Variants in SPIN1 observed in about 807,000 individuals in gnomAD.
The protein encoded by SPIN1 is spindlin-1.
Under a neutral mutation model 26.0 loss-of-function variants are expected in SPIN1, and 3 were observed. That is an observed-to-expected ratio of 0.12 (90% CI 0.05 to 0.30). SPIN1 has a LOEUF of 0.30. Ranked by LOEUF, SPIN1 falls within the 10% of genes least tolerant of loss-of-function variation. SPIN1 has a pLI of 1.00. For synonymous variants in SPIN1, 101 were observed against 116.5 expected, an observed-to-expected ratio of 0.87 and a Z score of 0.86; for missense variants, 126 against 333.4, an observed-to-expected ratio of 0.38 and a Z score of 4.84.
chr9:88,473,216 A>G (rs2118236107), intron 5 of SPIN1, among the ~76,000 whole-genome samples: 1 of 151,536 alleles, frequency 6.6e-6, no homozygotes, highest in Non-Finnish European at 1.5e-5. Flanking sequence ...AATATGGTGA[A>G]ACCCCGTCTC....
intron 1 of SPIN1, among the ~76,000 whole-genome samples, chr9:88,388,805 C>T (rs919607608): frequency 3.3e-5 from 5 of 150,618 alleles, no homozygotes; most frequent in Admixed American, 2.0e-4. Context: ...CCGCCGCCCC[C>T]CGCCAACATG....
At chr9:88,408,675 CTTT>C (rs773420022) in intron 1 of SPIN1, among the ~76,000 whole-genome samples, 3 of 128,834 alleles carry the variant, frequency 2.3e-5, no homozygotes, top group Admixed American at 1.6e-4. Flanking sequence ...ATGCCTGGCC[CTTT>C]TTTTTTTTTT....
At position 88,475,293 on chromosome 9, in the gene SPIN1, C is replaced by G. The variant is rs547821520; in HGVS notation, c.*16C>G. On this transcript the variant is annotated 3_prime_UTR_variant, in exon 6 of 6. Coordinates refer to ENST00000375859, the MANE Select transcript of SPIN1 (RefSeq NM_006717.3). Reference sequence around the variant, plus strand: ...AACATCCTAGATGTCATCACAAACTCTGCCAAATTTGTGGAACTATGAAAT... The same window carrying G: ...AACATCCTAGATGTCATCACAAACTGTGCCAAATTTGTGGAACTATGAAAT... 207 of 1,606,298 alleles carry G rather than the reference C, an allele frequency of 1.3e-4. 4 individuals are homozygous for G. In the South Asian group the frequency reaches 1.3e-3, roughly 10 times the overall value.
At chr9:88,405,977 C>T (rs1475810947) in intron 1 of SPIN1, among the ~76,000 whole-genome samples, 2 of 150,868 alleles carry the variant, frequency 1.3e-5, no homozygotes, top group Non-Finnish European at 2.9e-5. Flanking sequence ...TGACTACAGG[C>T]GCATGCCACC....
chr9:88,476,428 C>T lies in SPIN1; in HGVS notation c.*1151C>T, dbSNP rs1256375567. 6.6e-6 allele frequency: 1 copy of T among 152,398 alleles called. No homozygotes were observed. The highest frequency in any genetic ancestry group is 1.5e-5 in the Non-Finnish European group (1 of 68,188). The allele number at this position is 152,398 out of a possible 1,614,324, so 9.4% of individuals were successfully genotyped here. On this transcript the variant is annotated 3_prime_UTR_variant, in exon 6 of 6. Transcript: ENST00000375859. ...TCAACCCACCCCTTCCTGCCTACCC[C>T]TGGCTTTTCCTCACAAAGAATGTCT...
intron 2 of SPIN1, among the ~76,000 whole-genome samples, chr9:88,437,933 G>A (rs1480160459): frequency 6.6e-6 from 1 of 152,004 alleles, no homozygotes; most frequent in African/African-American, 2.4e-5. Context: ...GCTGAGGGGG[G>A]CAGAGGCCAG....
intron 2 of SPIN1, among the ~76,000 whole-genome samples, chr9:88,433,031 A>T (rs1827914411): frequency 6.7e-6 from 1 of 150,102 alleles, no homozygotes; most frequent in Admixed American, 6.6e-5. Flanking sequence ...TTATTCTCAT[A>T]CTTGTTTATT....
chr9:88,456,690 C>T (rs1245954823), intron 3 of SPIN1, among the ~76,000 whole-genome samples: 1 of 152,152 alleles, frequency 6.6e-6, no homozygotes, highest in Non-Finnish European at 1.5e-5. Context: ...ATTGTATCTA[C>T]AAATGCCACT....
intron 4 of SPIN1, among the ~76,000 whole-genome samples, chr9:88,465,351 A>G (rs563576216): frequency 6.6e-6 from 1 of 152,248 alleles, no homozygotes; most frequent in South Asian, 2.1e-4. Flanking sequence ...CGTAATTCTA[A>G]TTTCTTAGGT....
chr9:88,398,088 A>G (rs1399904141), intron 1 of SPIN1, among the ~76,000 whole-genome samples: 2 of 151,340 alleles, frequency 1.3e-5, no homozygotes, highest in Non-Finnish European at 2.9e-5. Flanking sequence ...ATGCCTGGCT[A>G]GTTTATTTTT....
At chr9:88,433,410 A>G (rs557878495) in intron 2 of SPIN1, among the ~76,000 whole-genome samples, 1 of 151,900 alleles carries the variant, frequency 6.6e-6, no homozygotes, top group South Asian at 2.1e-4. Context: ...TAGCCTTTCT[A>G]GTGTTAGCCT....
At chr9:88,394,087 G>T (rs1252781479) in intron 1 of SPIN1, among the ~76,000 whole-genome samples, 1 of 152,060 alleles carries the variant, frequency 6.6e-6, no homozygotes, top group African/African-American at 2.4e-5. Flanking sequence ...AAGCTCAAGT[G>T]ATCCTCTCAC....
intron 1 of SPIN1, among the ~76,000 whole-genome samples, chr9:88,398,954 A>G (rs994152164): frequency 6.6e-6 from 1 of 151,924 alleles, no homozygotes; most frequent in East Asian, 1.9e-4. Context: ...GAAAACGTAT[A>G]TGGGATATGT....
Position 88,388,798 on chromosome 9 carries a change from C to T in SPIN1, c.-159+260C>T, listed in dbSNP as rs533955695. The stretch of plus-strand genomic sequence containing the variant: ...CTACTCCTCCGTGCCCCCATCCCCG[C>T]CGCCCCCCGCCAACATGGCCGCCAC... On this transcript the variant is annotated intron_variant, in intron 1 of 5. Transcript: ENST00000375859. Among the ~76,000 whole-genome samples, 9 of 150,512 alleles carry T rather than the reference C, an allele frequency of 6.0e-5. No homozygotes were observed. In the South Asian group the frequency reaches 1.9e-3, roughly 31 times the overall value.
At chr9:88,408,472 G>A (rs1169153617) in intron 1 of SPIN1, among the ~76,000 whole-genome samples, 1 of 149,324 alleles carries the variant, frequency 6.7e-6, no homozygotes, top group Non-Finnish European at 1.5e-5. Flanking sequence ...CCGCCTCCTG[G>A]GTTTAAGCAG....
intron 1 of SPIN1, among the ~76,000 whole-genome samples, chr9:88,393,219 A>C (rs1277852270): frequency 6.6e-6 from 1 of 151,500 alleles, no homozygotes; most frequent in Non-Finnish European, 1.5e-5. Flanking sequence ...GAGAGAATAC[A>C]TGAAAAGACT....
At chr9:88,426,702 T>A (rs766637094) in intron 2 of SPIN1, 111 bp downstream of exon 2, 8 of 891,776 alleles carry the variant, frequency 9.0e-6, no homozygotes, top group African/African-American at 1.7e-5. Flanking sequence ...ACTTTGTCAT[T>A]TCTAGTATGT....
chr9:88,411,254 G>A, intron 1 of SPIN1: 2 of 1,137,992 alleles, frequency 1.8e-6, no homozygotes, highest in South Asian at 1.2e-5. Flanking sequence ...ATTCATGGCT[G>A]CATCCTCCAC....
chr9:88,472,553 C>G (rs538769270), intron 5 of SPIN1, among the ~76,000 whole-genome samples: 1 of 152,184 alleles, frequency 6.6e-6, no homozygotes, highest in African/African-American at 2.4e-5. Context: ...TGAGCAGTGG[C>G]ACGATCTTGG....
Sources: allele counts gnomAD v4.1 joint callset (sites outside exome capture counted in the v4.1 genomes callset), GRCh38; gene constraint gnomAD v4.1.1; transcripts MANE v1.5; gene names NCBI Gene and HGNC (gene_info 2026-07-23, HGNC 2026-07-21).